Variants in SEMA4D observed in about 807,000 individuals in gnomAD.
SEMA4D encodes semaphorin-4D.
In SEMA4D, 22 loss-of-function variants were observed where a neutral mutation model predicts 74.8. The ratio of observed to expected loss-of-function variants is 0.29; its 90% CI spans 0.21 to 0.42. The LOEUF (loss-of-function observed/expected upper bound fraction) is 0.42, where lower values mean the gene tolerates loss of function less well. SEMA4D is among the 10% of genes least tolerant of loss of function. The pLI, the probability that SEMA4D is intolerant of heterozygous loss-of-function variation, is 1.00. For missense variants in SEMA4D, 937 were observed against 1,118.4 expected (o/e 0.84, Z 2.31); for synonymous variants, 445 against 463.7 (o/e 0.96, Z 0.52).
intron 2 of SEMA4D, among the ~76,000 whole-genome samples, chr9:89,435,336 C>G (rs1850166022): frequency 6.6e-6 from 1 of 152,186 alleles, no homozygotes; most frequent in Non-Finnish European, 1.5e-5. Flanking sequence ...AATTTTACCC[C>G]AATTCTGGAA....
At chr9:89,371,423 C>CGGG (rs1834735811) in intron 16 of SEMA4D, among the ~76,000 whole-genome samples, 2 of 27,972 alleles carry the variant, frequency 7.2e-5, no homozygotes, top group Non-Finnish European at 1.3e-4. Flanking sequence ...TGGTGTGTGT[C>CGGG]TGGGGTGTGT....
At chr9:89,464,081 G>A (rs535459245) in intron 1 of SEMA4D, among the ~76,000 whole-genome samples, 1 of 152,114 alleles carries the variant, frequency 6.6e-6, no homozygotes, top group South Asian at 2.1e-4. Context: ...TTCAGAATCA[G>A]AACACCAGTC....
Position 89,370,583 on chromosome 9 carries a change from G to A in SEMA4D, c.1882+6250C>T, listed in dbSNP as rs373693892. On this transcript the variant is annotated intron_variant, in intron 16 of 18. Transcript: ENST00000339861. Reference sequence around the variant, plus strand: ...CTGGTGTGTGGTATGTCTGCTGTGTGGTCTGTGTAGTGTGTGTGGTATGTG... The same window carrying A: ...CTGGTGTGTGGTATGTCTGCTGTGTAGTCTGTGTAGTGTGTGTGGTATGTG... Among the ~76,000 whole-genome samples, 27 of 151,008 alleles carry A rather than the reference G, an allele frequency of 1.8e-4. No individual in the cohort carries two copies. In the South Asian group the frequency reaches 5.3e-3, roughly 29 times the overall value.
Position 89,405,663 on chromosome 9 carries a change from G to T in SEMA4D, c.-207C>A. On this transcript the variant is annotated 5_prime_UTR_variant, in exon 3 of 16. Coordinates refer to ENST00000422704, the MANE Select transcript of SEMA4D (RefSeq NM_001371194.2). ...TCGCTCTCACCACCGCAATGTCAAA[G>T]CCCACTTGATACTTCTTCAGGGCCT... 7.0e-7 allele frequency: 1 copy of T among 1,419,152 alleles called. No individual in the cohort carries two copies. The highest frequency in any genetic ancestry group is 9.2e-7 in the Non-Finnish European group (1 of 1,090,496). 87.9% of individuals were successfully genotyped at this position (1,419,152 alleles called of 1,614,324 possible). A position where few individuals can be genotyped will look rare whatever the true frequency, so the allele number is the denominator to read the frequency against.
At chr9:89,397,443 C>CCAGT (rs1554752147) in intron 5 of SEMA4D, among the ~76,000 whole-genome samples, 18 of 152,164 alleles carry the variant, frequency 1.2e-4, no homozygotes, top group African/African-American at 4.3e-4. Context: ...CCAGTCCAGC[C>CCAGT]CCCATGGGAG....
intron 2 of SEMA4D, among the ~76,000 whole-genome samples, chr9:89,433,362 A>G (rs1424241802): frequency 6.6e-6 from 1 of 152,128 alleles, no homozygotes; most frequent in Non-Finnish European, 1.5e-5. Context: ...CCACTGCAGC[A>G]TGGTCAGCAC....
chr9:89,383,880 C>G (rs1837773715), intron 13 of SEMA4D, among the ~76,000 whole-genome samples: 2 of 152,188 alleles, frequency 1.3e-5, no homozygotes, highest in Non-Finnish European at 2.9e-5. Context: ...CCCCCTGTCT[C>G]CGCCTTCCCT....
chr9:89,471,329 A>G (rs1860156588), intron 1 of SEMA4D, among the ~76,000 whole-genome samples: 1 of 152,232 alleles, frequency 6.6e-6, no homozygotes, highest in African/African-American at 2.4e-5. Flanking sequence ...CCACTAAACT[A>G]TACCCTTAAA....
intron 2 of SEMA4D, chr9:89,450,611 T>C (rs1334496870): frequency 1.2e-6 from 1 of 807,452 alleles, no homozygotes. Flanking sequence ...AGGTCCAGGA[T>C]GCAGAGCTAA....
intron 2 of SEMA4D, among the ~76,000 whole-genome samples, chr9:89,452,185 T>TTA (rs1554777585): frequency 6.8e-6 from 1 of 147,342 alleles, no homozygotes; most frequent in Non-Finnish European, 1.5e-5. Flanking sequence ...TTTTTTTGTT[T>TTA]TTTTTTTTTT....
At chr9:89,461,425 G>A (rs4560885) in intron 1 of SEMA4D, among the ~76,000 whole-genome samples, 4 of 152,094 alleles carry the variant, frequency 2.6e-5, no homozygotes, top group South Asian at 4.2e-4. Context: ...AGCAGCACTC[G>A]GGCTCCAAAT....
chr9:89,378,602 C>CGCAG lies in SEMA4D; in HGVS notation c.*98_*101dup. ...TGTCTGCACGATGCGGGCTAACCTA[C>CGCAG]GCAGCACTGCACGAGACTCGGATAC... On this transcript the variant is annotated 3_prime_UTR_variant, in exon 16 of 16. Coordinates refer to ENST00000422704, the MANE Select transcript of SEMA4D (RefSeq NM_001371194.2). The CGCAG allele has an allele frequency of 1.2e-6, 1 of 828,744 alleles. No individual in the cohort carries two copies. The highest frequency in any genetic ancestry group is 2.0e-6 in the Non-Finnish European group (1 of 509,080). 51.3% of individuals were successfully genotyped at this position (828,744 alleles called of 1,614,324 possible). A position where few individuals can be genotyped will look rare whatever the true frequency, so the allele number is the denominator to read the frequency against.
chr9:89,416,213 G>A (rs1845668970), intron 2 of SEMA4D, among the ~76,000 whole-genome samples: 1 of 152,212 alleles, frequency 6.6e-6, no homozygotes, highest in African/African-American at 2.4e-5. Flanking sequence ...CCAGATGTCT[G>A]CACACTCTGA....
At chr9:89,369,861 C>G (rs1248574952) in intron 16 of SEMA4D, among the ~76,000 whole-genome samples, 5 of 140,024 alleles carry the variant, frequency 3.6e-5, no homozygotes, top group Non-Finnish European at 7.6e-5. Flanking sequence ...GATCCTAAGT[C>G]AACAATGTGT....
At chr9:89,386,580 C>A in intron 12 of SEMA4D, 98 bp from the exon 13 acceptor site, 1 of 709,172 alleles carries the variant, frequency 1.4e-6, no homozygotes, top group African/African-American at 1.8e-5. Context: ...ACTCTCAAGT[C>A]ATTCCCTCCA....
At chr9:89,480,475 CTCG>C (rs1166180634) in intron 1 of SEMA4D, among the ~76,000 whole-genome samples, 1 of 152,234 alleles carries the variant, frequency 6.6e-6, no homozygotes, top group Non-Finnish European at 1.5e-5. Context: ...GGGGGTGGCT[CTCG>C]TCGGGGAGGC....
intron 2 of SEMA4D, among the ~76,000 whole-genome samples, chr9:89,453,097 G>A (rs1366122739): frequency 2.6e-5 from 4 of 152,180 alleles, no homozygotes; most frequent in Admixed American, 6.5e-5. Flanking sequence ...ACGTGGAACT[G>A]TATCTGCTAA....
chr9:89,457,346 T>C (rs768315884), intron 1 of SEMA4D, among the ~76,000 whole-genome samples: 24 of 152,162 alleles, frequency 1.6e-4, no homozygotes, highest in South Asian at 1.0e-3. Flanking sequence ...TCCTGCATCG[T>C]AGCAAAGCCA....
rs895540451 is a variant in SEMA4D, at chr9:89,428,941, A to G, written c.-243-23242T>C. On this transcript the variant is annotated intron_variant, in intron 2 of 15. Transcript: ENST00000422704. ...TGGACCCTGCCAACCACACCACTGC[A>G]GGCTCCGCATGACTGCTCCAGAGGT... is the stretch of plus-strand genomic sequence containing the variant. Among the ~76,000 whole-genome samples the G allele has an allele frequency of 4.6e-5, 7 of 152,188 alleles. No homozygotes were observed. The South Asian group carries it at 1.4e-3, about 32-fold the overall frequency.
Sources: allele counts gnomAD v4.1 joint callset (sites outside exome capture counted in the v4.1 genomes callset), GRCh38; gene constraint gnomAD v4.1.1; transcripts MANE v1.5; gene names NCBI Gene and HGNC (gene_info 2026-07-23, HGNC 2026-07-21).